Variants in CDH23 observed in about 807,000 individuals in gnomAD.
The protein encoded by CDH23 is cadherin related 23.
In CDH23, 189 loss-of-function variants were observed where a neutral mutation model predicts 317.1. The observed-to-expected ratio is 0.60, with a 90% CI of 0.53 to 0.67. The LOEUF is 0.67. Ranked by LOEUF, CDH23 falls within the 30% of genes least tolerant of loss-of-function variation. The pLI, the probability that CDH23 is intolerant of heterozygous loss-of-function variation, is 0.00. For synonymous variants in CDH23, 1,839 were observed against 1,876.8 expected, an observed-to-expected ratio of 0.98 and a Z score of 0.52; for missense variants, 4,401 against 4,592.4, an observed-to-expected ratio of 0.96 and a Z score of 1.20.
chr10:71,541,069 G>A (rs1017909418), intron 6 of CDH23, among the ~76,000 whole-genome samples: 4 of 152,016 alleles, frequency 2.6e-5, no homozygotes. Context: ...TGCTGCCAGA[G>A]CCCTGCTCCT....
At chr10:71,718,132 G>C (rs1405975860) in intron 28 of CDH23, among the ~76,000 whole-genome samples, 1 of 152,182 alleles carries the variant, frequency 6.6e-6, no homozygotes, top group Non-Finnish European at 1.5e-5. Context: ...CCAGCTTGCA[G>C]CTTAGATAAC....
chr10:71,406,507 G>A (rs1417118718), intron 1 of CDH23, among the ~76,000 whole-genome samples: 2 of 152,098 alleles, frequency 1.3e-5, no homozygotes, highest in East Asian at 3.9e-4. Flanking sequence ...GTGGCTCCAG[G>A]GTCCAGACAA....
chr10:71,617,932 C>A (rs905469617), intron 11 of CDH23, among the ~76,000 whole-genome samples: 9 of 151,156 alleles, frequency 6.0e-5, no homozygotes, highest in African/African-American at 1.2e-4. Context: ...GTGGAGGTTG[C>A]AGTGAGCTGA....
intron 6 of CDH23, among the ~76,000 whole-genome samples, chr10:71,538,001 C>G (rs1294121843): frequency 6.6e-6 from 1 of 152,186 alleles, no homozygotes; most frequent in Non-Finnish European, 1.5e-5. Flanking sequence ...GTCGGTTTCC[C>G]TCTAAGCCTC....
At chr10:71,503,262 C>T (rs868117250) in intron 3 of CDH23, among the ~76,000 whole-genome samples, 1 of 152,230 alleles carries the variant, frequency 6.6e-6, no homozygotes, top group East Asian at 1.9e-4. Flanking sequence ...GGTACAGGGC[C>T]GGTTCCTCAG....
At position 71,439,865 on chromosome 10, in the gene CDH23, G is replaced by A. The variant is rs1849791048; in HGVS notation, c.34G>A (p.Ala12Thr). The A allele has an allele frequency of 6.4e-7, 1 of 1,573,884 alleles. No individual in the cohort carries two copies. Among genetic ancestry groups the A allele is most frequent in the East Asian group, 2.3e-5 (1 of 42,946 alleles). The change falls in exon 2 of 70, where the codon GCC (alanine) becomes ACC (threonine). Residue 12 changes from alanine to threonine, a missense_variant. Ala to Thr is a moderately conservative substitution (Grantham distance 58). Around this residue, in one of 3 missense-constraint regions of CDH23, gnomAD observed 3,068 missense variants for 3,203.3 expected, o/e 0.96. Transcript: ENST00000224721. ...CCATGTTGCCACCAGCTGCCACGTG[G>A]CCTGGCTTTTGGTGCTGATCTCTGG... ...GRHVATSCHV[A>T]WLLVLISGCW...
chr10:71,425,194 C>T (rs1371195016), intron 1 of CDH23, among the ~76,000 whole-genome samples: 4 of 124,972 alleles, frequency 3.2e-5, no homozygotes, highest in East Asian at 2.5e-4. Context: ...GGGAGGAAAC[C>T]GGCTTGGCTA....
intron 1 of CDH23, among the ~76,000 whole-genome samples, chr10:71,425,376 G>GAAGGAAGGAAGGAAGGAAGGAAGGA (rs1849024634): frequency 7.6e-6 from 1 of 131,408 alleles, no homozygotes; most frequent in Non-Finnish European, 1.7e-5. Context: ...AGAGGAGAAG[G>GAAGGAAGGAAGGAAGGAAGGAAGGA]AAGGAAGGAA....
In CDH23 at chr10:71,785,052, C is replaced by T; in HGVS notation, c.5664C>T (p.Phe1888=). The change falls in exon 43 of 70, where the codon TTC becomes TTT. Residue 1888 remains phenylalanine, a synonymous_variant. Coordinates refer to ENST00000224721, the MANE Select transcript of CDH23 (RefSeq NM_022124.6). ...GTGGCTGCAATGCACGCCTCACCTTCAACATCACTGCGGGCAACCGCGAGC... is the reference window on the plus strand; with the variant it reads ...GTGGCTGCAATGCACGCCTCACCTTTAACATCACTGCGGGCAACCGCGAGC... ...ADSGCNARLT[F]NITAGNRERA... 6.2e-7 allele frequency: 1 copy of T among 1,614,108 alleles called. No homozygotes were observed. Among genetic ancestry groups the T allele is most frequent in the East Asian group, 2.2e-5 (1 of 44,890 alleles).
At chr10:71,812,123 G>A in intron 66 of CDH23, 108 bp downstream of exon 66, 1 of 1,604,642 alleles carries the variant, frequency 6.2e-7, no homozygotes, top group South Asian at 1.1e-5. Context: ...CCCAGGCTGT[G>A]GGCGCCCCCT....
rs1839740400 is a variant in CDH23 at position 71,741,774 on chromosome 10, C to T, written c.4698C>T (p.Tyr1566=). The part of the protein sequence containing the change: ...DIGINSVLSY[Y]ITEGNKDMAF... Reference sequence around the variant, plus strand: ...GGATCAACAGTGTTCTGTCCTACTACATCACCGAGGGCAACAAGGACATGG... The same window carrying T: ...GGATCAACAGTGTTCTGTCCTACTATATCACCGAGGGCAACAAGGACATGG... Residue 1566 remains tyrosine (Y), a synonymous_variant, in exon 38 of 70, where the codon TAC becomes TAT. Coordinates refer to ENST00000224721, the MANE Select transcript of CDH23 (RefSeq NM_022124.6). The T allele has an allele frequency of 2.5e-6, 4 of 1,612,670 alleles. No homozygotes were observed. The highest frequency in any genetic ancestry group is 2.2e-5 in the South Asian group (2 of 90,738).
At position 71,677,462 on chromosome 10, in the gene CDH23, G is replaced by A. The variant is rs778677757; in HGVS notation, c.1521G>A (p.Ser507=). The change falls in exon 16 of 70, where the codon TCG becomes TCA. Residue 507 remains serine (S), a synonymous_variant. Coordinates refer to ENST00000224721, the MANE Select transcript of CDH23 (RefSeq NM_022124.6). ...TCCTCTCGGCCTGGCACAGGTTCTC[G>A]CTGGACAAGGACACGGGACTCATCA... ...YFFSDDPDRF[S]LDKDTGLIML... is the part of the protein sequence containing the mutation. 1.6e-5 allele frequency: 25 copies of A among 1,605,014 alleles called. No individual in the cohort carries two copies. The highest frequency in any genetic ancestry group is 3.4e-5 in the South Asian group (3 of 89,254).
intron 3 of CDH23, among the ~76,000 whole-genome samples, chr10:71,508,793 T>C (rs115537367): frequency 0.016 from 2,508 of 152,264 alleles, 58 homozygotes; most frequent in African/African-American, 0.053. Context: ...ACTATAGACA[T>C]TGTCTTCGGA....
chr10:71,627,304 G>T (rs1279334675), intron 11 of CDH23, among the ~76,000 whole-genome samples: 1 of 152,204 alleles, frequency 6.6e-6, no homozygotes, highest in African/African-American at 2.4e-5. Context: ...GCTAGAGGGA[G>T]CGGACAGCCC....
chr10:71,606,785 G>C (rs986955893), intron 9 of CDH23, among the ~76,000 whole-genome samples: 1 of 152,186 alleles, frequency 6.6e-6, no homozygotes, highest in Non-Finnish European at 1.5e-5. Context: ...GGAATCTGAG[G>C]AGTGACATTT....
intron 3 of CDH23, among the ~76,000 whole-genome samples, chr10:71,457,682 GC>G (rs1461177496): frequency 3.9e-5 from 6 of 152,370 alleles, no homozygotes; most frequent in African/African-American, 1.4e-4. Flanking sequence ...GCCTGGCATT[GC>G]CCCTATGCAA....
chr10:71,622,513 G>T (rs1391936893), intron 11 of CDH23, among the ~76,000 whole-genome samples: 1 of 152,174 alleles, frequency 6.6e-6, no homozygotes, highest in Non-Finnish European at 1.5e-5. Context: ...AGCAGAAGGG[G>T]GCGGGGGACG....
chr10:71,694,039 C>T, intron 20 of CDH23, 108 bp from the exon 21 acceptor site: 1 of 872,958 alleles, frequency 1.1e-6, no homozygotes, highest in Non-Finnish European at 1.9e-6. Context: ...GCTAACATTT[C>T]TCGTGCAAGT....
chr10:71,515,420 G>GCA (rs1439013550), intron 6 of CDH23, among the ~76,000 whole-genome samples: 11 of 112,862 alleles, frequency 9.7e-5, no homozygotes, highest in African/African-American at 4.3e-4. Context: ...ACACACACAC[G>GCA]CACACATACA....
Sources: gnomAD v4.1 joint callset for allele counts (sites outside exome capture counted in the v4.1 genomes callset) on GRCh38, gnomAD v4.1.1 for gene constraint, gnomAD v4.1.1 regional missense constraint, MANE v1.5 for transcripts, NCBI Gene and HGNC (gene_info 2026-07-23, HGNC 2026-07-21) for gene names.